Variants in SLC46A3 observed in about 807,000 individuals in gnomAD.
The protein encoded by SLC46A3 is solute carrier family 46 member 3.
In SLC46A3, 26 loss-of-function variants were observed where a neutral mutation model predicts 38.5. That is an observed-to-expected ratio of 0.68 (90% CI 0.49 to 0.94). The LOEUF is 0.94. SLC46A3 is among the 40% of genes least tolerant of loss of function. SLC46A3 has a pLI of 0.00. For missense variants in SLC46A3, 510 were observed against 544.3 expected (o/e 0.94, Z 0.63); for synonymous variants, 185 against 192.5 (o/e 0.96, Z 0.32).
At chr13:28,717,257 T>C (rs1046353285) in intron 2 of SLC46A3, among the ~76,000 whole-genome samples, 2 of 152,116 alleles carry the variant, frequency 1.3e-5, no homozygotes, top group African/African-American at 2.4e-5. Flanking sequence ...CAAGGCTGAT[T>C]TGATACCACC....
chr13:28,713,620 G>A, intron 2 of SLC46A3, 70 bp from the exon 3 acceptor site: 1 of 1,465,242 alleles, frequency 6.8e-7, no homozygotes, highest in South Asian at 1.4e-5. Flanking sequence ...ATATCATGGT[G>A]CATATGCTTT....
intron 4 of SLC46A3, among the ~76,000 whole-genome samples, chr13:28,709,833 C>T (rs1329346764): frequency 1.3e-5 from 2 of 152,190 alleles, no homozygotes; most frequent in African/African-American, 2.4e-5. Flanking sequence ...TGCCCACTCT[C>T]TATAATGGCC....
rs755992431 is a variant in SLC46A3, at chr13:28,703,963, T to G, written c.1281A>C (p.Leu427=). 6.2e-7 allele frequency: 1 copy of G among 1,613,326 alleles called. No homozygotes were observed. Among genetic ancestry groups the G allele is most frequent in the Non-Finnish European group, 8.5e-7 (1 of 1,179,636 alleles). The change falls in exon 5 of 6, where the codon CTA becomes CTC. Residue 427 remains leucine, a synonymous_variant. Transcript: ENST00000266943. ...FTFLLSAGLL[L]LPAISLCVVK... ...CATACCATAGACTGATGGCTGGAAGTAGTAACAGACCAGCAGACAGCAGGA... is the reference window on the plus strand; with the variant it reads ...CATACCATAGACTGATGGCTGGAAGGAGTAACAGACCAGCAGACAGCAGGA...
At position 28,704,160 on chromosome 13, in the gene SLC46A3, C is replaced by T. The variant is rs1404347921; in HGVS notation, c.1145-61G>A. ...AAAGGCAGAATTACAAAACAACAAA[C>T]ACAAACTAATGGAGACAACTGTTAC... is the stretch of plus-strand genomic sequence containing the variant. On this transcript the variant is annotated intron_variant, in intron 4 of 5. Transcript: ENST00000266943. The T allele has an allele frequency of 1.3e-5, 19 of 1,466,068 alleles. No homozygotes were observed. In the East Asian group the frequency reaches 4.3e-4, roughly 33 times the overall value. 90.8% of individuals were successfully genotyped at this position (1,466,068 alleles called of 1,614,324 possible).
intron 4 of SLC46A3, among the ~76,000 whole-genome samples, chr13:28,707,747 T>C (rs1332885988): frequency 6.6e-6 from 1 of 152,196 alleles, no homozygotes; most frequent in East Asian, 1.9e-4. Flanking sequence ...GTTCTTAGTA[T>C]GTTGCAGATT....
intron 4 of SLC46A3, among the ~76,000 whole-genome samples, chr13:28,709,044 G>A (rs1483981138): frequency 1.3e-5 from 2 of 152,040 alleles, no homozygotes; most frequent in South Asian, 2.1e-4. Flanking sequence ...ATAAGAGGCC[G>A]GGTGCGGTGG....
intron 4 of SLC46A3, among the ~76,000 whole-genome samples, chr13:28,709,048 G>A (rs1209879219): frequency 2.6e-5 from 4 of 152,084 alleles, no homozygotes; most frequent in Admixed American, 6.6e-5. Flanking sequence ...GAGGCCGGGT[G>A]CGGTGGGTCA....
chr13:28,718,021 T>C lies in SLC46A3; in HGVS notation c.-23A>G. On this transcript the variant is annotated splice_region_variant and 5_prime_UTR_variant, in exon 2 of 6. Transcript: ENST00000266943. ...CATATTGCCTGGGTAGGTAGCTGTA[T>C]TCTATAAAAAGTGAAAACGGAGAAA... is the stretch of plus-strand genomic sequence containing the variant. 1 of 1,597,184 alleles carries C rather than the reference T, an allele frequency of 6.3e-7. No homozygotes were observed. The highest frequency in any genetic ancestry group is 8.5e-7 in the Non-Finnish European group (1 of 1,172,896).
intron 4 of SLC46A3, 65 bp from the exon 5 acceptor site, chr13:28,704,164 A>C: frequency 5.7e-6 from 8 of 1,414,540 alleles, no homozygotes; most frequent in Non-Finnish European, 7.7e-6. Context: ...AACAAACACA[A>C]ACTAATGGAG....
At chr13:28,711,645 A>G (rs1403477814) in intron 3 of SLC46A3, among the ~76,000 whole-genome samples, 1 of 152,212 alleles carries the variant, frequency 6.6e-6, no homozygotes, top group East Asian at 1.9e-4. Context: ...TAACTTCATA[A>G]ACACAAATTA....
At chr13:28,702,962 A>G (rs879302840) in intron 5 of SLC46A3, among the ~76,000 whole-genome samples, 1 of 152,174 alleles carries the variant, frequency 6.6e-6, no homozygotes, top group Admixed American at 6.5e-5. Flanking sequence ...AAATGCACAG[A>G]GCTCAGCAGA....
rs142237911 is a variant in SLC46A3, at chr13:28,700,776, T to C, written c.*721A>G. On this transcript the variant is annotated 3_prime_UTR_variant, in exon 6 of 6. Coordinates refer to ENST00000266943, the MANE Select transcript of SLC46A3 (RefSeq NM_181785.4). ...TTTTTTCCCAATTACCCATTACATATAGAAATATTATCATGCCTGTCACCG... is the reference window on the plus strand; with the variant it reads ...TTTTTTCCCAATTACCCATTACATACAGAAATATTATCATGCCTGTCACCG... 1.3e-4 allele frequency: 72 copies of C among 535,572 alleles called. No homozygotes were observed. The highest frequency in any genetic ancestry group is 1.2e-3 in the African/African-American group (62 of 52,426). 33.2% of individuals were successfully genotyped at this position (535,572 alleles called of 1,614,324 possible).
chr13:28,715,640 C>A (rs1885508340), intron 2 of SLC46A3, among the ~76,000 whole-genome samples: 1 of 152,184 alleles, frequency 6.6e-6, no homozygotes, highest in Non-Finnish European at 1.5e-5. Flanking sequence ...TGTTCTGTAG[C>A]ACCACAGGGT....
At chr13:28,711,415 T>A (rs1885337142) in intron 3 of SLC46A3, among the ~76,000 whole-genome samples, 1 of 145,870 alleles carries the variant, frequency 6.9e-6, no homozygotes, top group East Asian at 2.0e-4. Flanking sequence ...AGAGTGAGAC[T>A]CCATCTCAAA....
intron 2 of SLC46A3, among the ~76,000 whole-genome samples, chr13:28,717,484 ACTTTT>A (rs1453034989): frequency 0.012 from 1,178 of 94,272 alleles, 106 homozygotes; most frequent in African/African-American, 0.039. Context: ...CAATTTTCAG[ACTTTT>A]TTTTTTTTTT....
rs375098221 is a variant in SLC46A3, at chr13:28,704,012, A to T, written c.1232T>A (p.Val411Asp). 1.9e-6 allele frequency: 3 copies of T among 1,613,792 alleles called. No homozygotes were observed. The highest frequency in any genetic ancestry group is 2.5e-6 in the Non-Finnish European group (3 of 1,179,868). Residue 411 changes from valine (V) to aspartate (D), a missense_variant, in exon 5 of 6, where the codon GTT (valine) becomes GAT (aspartate). Transcript: ENST00000266943. ...STFNGIYSATVAWYPGFTFLL... is the reference protein window; with the variant it reads ...STFNGIYSATDAWYPGFTFLL... The stretch of plus-strand genomic sequence containing the variant: ...GAAAGTGAAGCCAGGGTACCAAGCA[A>T]CAGTGGCTGAGTAAATTCCATTAAA...
At chr13:28,702,696 C>T (rs1885061487) in intron 5 of SLC46A3, among the ~76,000 whole-genome samples, 1 of 152,174 alleles carries the variant, frequency 6.6e-6, no homozygotes, top group African/African-American at 2.4e-5. Context: ...ACTGCAAATA[C>T]TGTTGTTCTC....
At position 28,713,101 on chromosome 13, in the gene SLC46A3, A is replaced by G. The variant is rs138931370; in HGVS notation, c.639T>C (p.Tyr213=). The G allele has an allele frequency of 1.7e-4, 279 of 1,612,496 alleles. 2 individuals are homozygous for G. The African/African-American group carries it at 3.4e-3, about 20-fold the overall frequency. The change falls in exon 3 of 6, where the codon TAT becomes TAC. Residue 213 remains tyrosine (Y), a synonymous_variant. Transcript: ENST00000266943. ...IAVSLAVNLI[Y]ILFFLGDPVK... The stretch of plus-strand genomic sequence containing the variant: ...CTGGATCTCCGAGAAAAAATAAAAT[A>G]TAGATCAAATTAACAGCAAGAGACA...
intron 5 of SLC46A3, among the ~76,000 whole-genome samples, chr13:28,703,027 A>G (rs1205544502): frequency 6.6e-6 from 1 of 152,188 alleles, no homozygotes; most frequent in African/African-American, 2.4e-5. Flanking sequence ...TGGACGTTTC[A>G]GCAATCATTC....
Sources: gnomAD v4.1 joint callset for allele counts (sites outside exome capture counted in the v4.1 genomes callset) on GRCh38, gnomAD v4.1.1 for gene constraint, MANE v1.5 for transcripts, NCBI Gene and HGNC (gene_info 2026-07-23, HGNC 2026-07-21) for gene names.